The following TRPM2 variants were observed in gnomAD, a reference collection of about 807,000 sequenced individuals.
TRPM2 encodes estrogen-responsive element-associated gene 1 protein.
Under a neutral mutation model 174.0 loss-of-function variants are expected in TRPM2, and 161 were observed. The ratio of observed to expected loss-of-function variants is 0.93; its 90% CI spans 0.81 to 1.05. The LOEUF (loss-of-function observed/expected upper bound fraction) is 1.05, where lower values mean the gene tolerates loss of function less well. TRPM2 is among the 50% of genes least tolerant of loss of function. TRPM2 has a pLI of 0.00. For synonymous variants in TRPM2, 954 were observed against 861.3 expected (o/e 1.11, Z -1.88); for missense variants, 2,057 against 2,038.0 (o/e 1.01, Z -0.18).
Position 44,435,038 on chromosome 21 carries a change from T to C in TRPM2, c.3975-93T>C, listed in dbSNP as rs1391668452. ...TGCTGTCCCGCTGTGCGCCGGCTCC[T>C]GACGCCCGCTGTCCCCTCTCAGTCC... On this transcript the variant is annotated intron_variant, in intron 27 of 31. Transcript: ENST00000397928. 3.9e-6 allele frequency: 5 copies of C among 1,283,338 alleles called. No homozygotes were observed. The African/African-American group carries it at 5.9e-5, about 15-fold the overall frequency. The allele number at this position is 1,283,338 out of a possible 1,614,324, so 79.5% of individuals were successfully genotyped here.
chr21:44,379,290 G>A, intron 8 of TRPM2, 93 bp downstream of exon 8: 1 of 1,442,924 alleles, frequency 6.9e-7, no homozygotes. Flanking sequence ...ATGGACCGAT[G>A]CGGAGAACCC....
chr21:44,387,608 G>T (rs147048724), intron 9 of TRPM2, among the ~76,000 whole-genome samples: 1 of 152,138 alleles, frequency 6.6e-6, no homozygotes, highest in African/African-American at 2.4e-5. Context: ...GAGTAAAAAG[G>T]CAACCCATGG....
intron 23 of TRPM2, 100 bp from the exon 24 acceptor site, chr21:44,424,751 TG>T (rs2050687737): frequency 1.5e-6 from 1 of 678,456 alleles, no homozygotes; most frequent in Non-Finnish European, 2.3e-6. Context: ...GTGACAGGGG[TG>T]GGGCTCCTGG....
At position 44,399,101 on chromosome 21, in the gene TRPM2, G is replaced by A. The variant is rs539255617; in HGVS notation, c.2063-195G>A. On this transcript the variant is annotated intron_variant, in intron 13 of 31. Coordinates refer to ENST00000397928, the MANE Select transcript of TRPM2 (RefSeq NM_003307.4). This position sits in a 1 kb window ranked among gnomAD's most constrained non-coding sequence, Gnocchi z 4.6. Reference sequence around the variant, plus strand: ...CCCTGTTGTCATTTTTGTAGAGGCAGTTCCAGCCCTACGTGCCCTCTCCCT... The same window carrying A: ...CCCTGTTGTCATTTTTGTAGAGGCAATTCCAGCCCTACGTGCCCTCTCCCT... Among the ~76,000 whole-genome samples, 47 of 152,248 alleles carry A rather than the reference G, an allele frequency of 3.1e-4. No homozygotes were observed. The highest frequency in any genetic ancestry group is 6.2e-4 in the Non-Finnish European group (42 of 68,024).
At chr21:44,352,500 C>T (rs1017235619), upstream of TRPM2, among the ~76,000 whole-genome samples, 4 of 152,226 alleles carry the variant, frequency 2.6e-5, no homozygotes, top group Non-Finnish European at 4.4e-5. Flanking sequence ...CTGACAGTGA[C>T]CGTCGTGTGT....
chr21:44,382,194 CATAG>C (rs1306913172), intron 8 of TRPM2, among the ~76,000 whole-genome samples: 4 of 151,690 alleles, frequency 2.6e-5, no homozygotes, highest in African/African-American at 9.7e-5. Flanking sequence ...TACATATATA[CATAG>C]ATGAAACACA....
intron 17 of TRPM2, among the ~76,000 whole-genome samples, 169 bp downstream of exon 17, chr21:44,405,429 T>A (rs913544073): frequency 1.3e-5 from 2 of 152,080 alleles, no homozygotes; most frequent in African/African-American, 2.4e-5. Flanking sequence ...CCACCTACCC[T>A]TGGGATTGTT....
intron 19 of TRPM2, among the ~76,000 whole-genome samples, chr21:44,408,892 G>C (rs978807333): frequency 6.6e-6 from 1 of 151,954 alleles, no homozygotes; most frequent in African/African-American, 2.4e-5. Flanking sequence ...TCCTGACCTC[G>C]TGATCCACCC....
intron 2 of TRPM2, among the ~76,000 whole-genome samples, chr21:44,360,885 G>A (rs1193349319): frequency 6.6e-6 from 1 of 151,368 alleles, no homozygotes; most frequent in African/African-American, 2.4e-5. Context: ...TTTTTCACAT[G>A]TGTATTTGTG....
chr21:44,434,353 G>A (rs1033774672), intron 27 of TRPM2, among the ~76,000 whole-genome samples: 1 of 151,252 alleles, frequency 6.6e-6, no homozygotes, highest in Non-Finnish European at 1.5e-5. Context: ...GGATGGTGAC[G>A]GGGACTGTGG....
chr21:44,440,309 A>C (rs1418439478), intron 30 of TRPM2, among the ~76,000 whole-genome samples: 5 of 6,160 alleles, frequency 8.1e-4, no homozygotes, highest in African/African-American at 3.1e-3. Flanking sequence ...GCGCTCAAAA[A>C]AAAAAAAAAA....
rs746257107 is a variant in TRPM2 at position 44,400,291 on chromosome 21, C to G, written c.2241C>G (p.Leu747=). Residue 747 remains leucine (L), a synonymous_variant, in exon 15 of 32, where the codon CTC becomes CTG. Transcript: ENST00000397928. ...AFLTKVWWGQ[L]SVDNGLWRVT... is the part of the protein sequence containing the mutation. ...TGACCAAGGTGTGGTGGGGCCAGCTCTCCGTGGACAATGGGCTGTGGCGTG... is the reference window on the plus strand; with the variant it reads ...TGACCAAGGTGTGGTGGGGCCAGCTGTCCGTGGACAATGGGCTGTGGCGTG... 3.7e-6 allele frequency: 6 copies of G among 1,612,962 alleles called. No individual in the cohort carries two copies. The highest frequency in any genetic ancestry group is 4.2e-6 in the Non-Finnish European group (5 of 1,179,912).
rs2048009706 is a variant in TRPM2, at chr21:44,354,832, A to G, written c.254+96A>G. On this transcript the variant is annotated intron_variant, in intron 2 of 31. Coordinates refer to ENST00000397928, the MANE Select transcript of TRPM2 (RefSeq NM_003307.4). This position sits in a 1 kb window ranked among gnomAD's most constrained non-coding sequence, Gnocchi z 4.3. ...GCCAAGACCCCTCAGGGCCTCAGTG[A>G]AGGGTCACTGGAGATACCTCTGTCT... 1.8e-6 allele frequency: 2 copies of G among 1,088,890 alleles called. No individual in the cohort carries two copies. The highest frequency in any genetic ancestry group is 3.4e-5 in the Admixed American group (2 of 58,122). 67.5% of individuals were successfully genotyped at this position (1,088,890 alleles called of 1,614,324 possible).
chr21:44,385,522 G>T (rs570360412), intron 9 of TRPM2, among the ~76,000 whole-genome samples: 1 of 152,166 alleles, frequency 6.6e-6, no homozygotes, highest in Admixed American at 6.5e-5. Flanking sequence ...TCAACATTGC[G>T]TTGGAAGTTC....
upstream of TRPM2, among the ~76,000 whole-genome samples, chr21:44,352,313 G>A (rs1202174396): frequency 6.6e-6 from 1 of 152,208 alleles, no homozygotes; most frequent in African/African-American, 2.4e-5. Context: ...AATGAGTGTG[G>A]CCAAGGGGCA....
chr21:44,440,973 G>A (rs889639965), intron 31 of TRPM2, 68 bp downstream of exon 31: 4 of 1,400,290 alleles, frequency 2.9e-6, no homozygotes, highest in African/African-American at 1.4e-5. Context: ...GGCCTCCGGG[G>A]AGGGGGTTGG....
At chr21:44,440,409 C>T (rs1439713838) in intron 30 of TRPM2, among the ~76,000 whole-genome samples, 2 of 152,016 alleles carry the variant, frequency 1.3e-5, no homozygotes, top group Non-Finnish European at 2.9e-5. Context: ...GTTCCATCAC[C>T]CCAGTCACCC....
intron 8 of TRPM2, among the ~76,000 whole-genome samples, chr21:44,380,801 C>T (rs575330145): frequency 3.3e-5 from 5 of 152,354 alleles, no homozygotes; most frequent in African/African-American, 4.8e-5. Context: ...TGCCCACCCT[C>T]GCTCAGCCTT....
chr21:44,406,850 A>T, intron 19 of TRPM2, 85 bp downstream of exon 19: 1 of 1,500,078 alleles, frequency 6.7e-7, no homozygotes, highest in South Asian at 1.2e-5. Flanking sequence ...AGTGGGAGTG[A>T]GGCCGGCTCC....
Sources: allele counts gnomAD v4.1 joint callset (sites outside exome capture counted in the v4.1 genomes callset), GRCh38; gene constraint gnomAD v4.1.1; non-coding constraint Gnocchi (gnomAD v3.1); transcripts MANE v1.5; gene names NCBI Gene and HGNC (gene_info 2026-07-23, HGNC 2026-07-21).